Variants in ZNF559 observed in about 807,000 individuals in gnomAD.
ZNF559 encodes the protein zinc finger protein 559.
Under a neutral mutation model 14.2 loss-of-function variants are expected in ZNF559, and 17 were observed. The observed-to-expected ratio is 1.20, with a 90% CI of 0.82 to 1.80. The LOEUF (loss-of-function observed/expected upper bound fraction) is 1.80, where lower values mean the gene tolerates loss of function less well. Among genes scored for constraint, ZNF559 ranks in the 40% most tolerant of loss-of-function variants. ZNF559 has a pLI of 0.00. For synonymous variants in ZNF559, 244 were observed against 212.4 expected (o/e 1.15, Z -1.29); for missense variants, 740 against 629.7 (o/e 1.18, Z -1.88).
upstream of ZNF559, chr19:9,323,834 G>C: frequency 3.0e-6 from 1 of 330,920 alleles, no homozygotes; most frequent in Non-Finnish European, 5.6e-6. Context: ...TGGGACTCAT[G>C]AAGGTTCTGT....
chr19:9,341,961 T>G lies in ZNF559; in HGVS notation c.510T>G (p.Asn170Lys). The stretch of plus-strand genomic sequence containing the variant: ...TTGTTTGCAAGAAAACTAGCCAAAA[T>G]CTACATCTTGTTTGCAAGAAAACTC... ...LHLVCKKTSQNLHLVCKKTHT... is the reference protein window; with the variant it reads ...LHLVCKKTSQKLHLVCKKTHT... Residue 170 changes from asparagine (N) to lysine (K), a missense_variant, in exon 7 of 7, where the codon AAT becomes AAG. Transcript: ENST00000603380. The G allele has an allele frequency of 6.2e-7, 1 of 1,613,794 alleles. No homozygotes were observed. Among genetic ancestry groups the G allele is most frequent in the East Asian group, 2.2e-5 (1 of 44,850 alleles).
rs114011915 is a variant in ZNF559, at chr19:9,324,205, A to G, written c.-229A>G. 144 of 1,535,470 alleles carry G rather than the reference A, an allele frequency of 9.4e-5. No individual in the cohort carries two copies. The African/African-American group carries it at 1.8e-3, about 19-fold the overall frequency. The stretch of plus-strand genomic sequence containing the variant: ...TGCGCATAACGGCCGCCATCTTAAC[A>G]GCGCGTTCCCGTTGGCGTCTGAGGT... On this transcript the variant is annotated 5_prime_UTR_variant, in exon 1 of 7. Coordinates refer to ENST00000603380, the MANE Select transcript of ZNF559 (RefSeq NM_032497.3).
In ZNF559 at chr19:9,324,557, G is replaced by T. The variant is rs1255937201; in HGVS notation, c.-205-138G>T. The T allele has an allele frequency of 4.2e-6, 5 of 1,187,036 alleles. No individual in the cohort carries two copies. The East Asian group carries it at 1.3e-4, about 30-fold the overall frequency. 73.5% of individuals were successfully genotyped at this position (1,187,036 alleles called of 1,614,324 possible). A position where few individuals can be genotyped will look rare whatever the true frequency, so the allele number is the denominator to read the frequency against. ...CCTGTCATTCCCAGCGCTTTGGGCG[G>T]ATTGGGTAGGAGGATTACTTGAGGC... is the stretch of plus-strand genomic sequence containing the variant. On this transcript the variant is annotated intron_variant, in intron 1 of 6. Coordinates refer to ENST00000603380, the MANE Select transcript of ZNF559 (RefSeq NM_032497.3).
rs769931790 is a variant in ZNF559 at position 9,342,933 on chromosome 19, A to G, written c.1482A>G (p.Glu494=). The change falls in exon 7 of 7, where the codon GAA becomes GAG. Residue 494 remains glutamate (E), a synonymous_variant. Transcript: ENST00000603380. ...CTCACACTGGTGAACGGCCCTTTGAATGTCAGGAATGTGGGAAAGCCTTTA... is the reference window on the plus strand; with the variant it reads ...CTCACACTGGTGAACGGCCCTTTGAGTGTCAGGAATGTGGGAAAGCCTTTA... ...MRTHTGERPF[E]CQECGKAFTR... 6.2e-7 allele frequency: 1 copy of G among 1,614,070 alleles called. No individual in the cohort carries two copies. The highest frequency in any genetic ancestry group is 1.3e-5 in the African/African-American group (1 of 74,946).
intron 5 of ZNF559, among the ~76,000 whole-genome samples, chr19:9,339,673 A>G (rs1334947150): frequency 1.8e-5 from 2 of 113,350 alleles, no homozygotes; most frequent in Non-Finnish European, 4.0e-5. Flanking sequence ...ATTGTGTTGT[A>G]ATTTAAGTTA....
rs184089607 is a variant in ZNF559, at chr19:9,339,244, A to C, written c.85A>C (p.Thr29Pro). Residue 29 changes from threonine (T) to proline (P), a missense_variant, in exon 5 of 7, where the codon ACT becomes CCT. By Grantham distance (38) the Thr-to-Pro change is conservative (BLOSUM62 -1). Coordinates refer to ENST00000603380, the MANE Select transcript of ZNF559 (RefSeq NM_032497.3). The stretch of plus-strand genomic sequence containing the variant: ...TGTGGACTTCACCCAGGAGGAGTGG[A>C]CTTTGCTGGATCAAACTCAGAGAAA... ...VAVDFTQEEW[T>P]LLDQTQRNLY... 45 of 1,613,970 alleles carry C rather than the reference A, an allele frequency of 2.8e-5. No homozygotes were observed. The Admixed American group carries it at 7.3e-4, about 26-fold the overall frequency.
At chr19:9,335,155 T>TAAAAAAAAAAAA (rs1568362673) in intron 2 of ZNF559, among the ~76,000 whole-genome samples, 3 of 138,280 alleles carry the variant, frequency 2.2e-5, no homozygotes, top group African/African-American at 8.4e-5. Context: ...AAAAAAAAAT[T>TAAAAAAAAAAAA]AGCTGGTCAT....
chr19:9,335,155 T>TAAAAAAA (rs1568362673), intron 2 of ZNF559, among the ~76,000 whole-genome samples: 2 of 138,284 alleles, frequency 1.4e-5, no homozygotes, highest in African/African-American at 5.6e-5. Context: ...AAAAAAAAAT[T>TAAAAAAA]AGCTGGTCAT....
Position 9,345,275 on chromosome 19 carries a change from CA to C in ZNF559, c.*2208del, listed in dbSNP as rs1318955523. 1 of 152,186 alleles carries C rather than the reference CA, an allele frequency of 6.6e-6. No homozygotes were observed. The highest frequency in any genetic ancestry group is 1.5e-5 in the Non-Finnish European group (1 of 68,030). The allele number at this position is 152,186 out of a possible 1,614,324, so 9.4% of individuals were successfully genotyped here. On this transcript the variant is annotated 3_prime_UTR_variant, in exon 7 of 7. Coordinates refer to ENST00000603380, the MANE Select transcript of ZNF559 (RefSeq NM_032497.3). Reference sequence around the variant, plus strand: ...TAAAACTGCCTTGAATACCCATATGCAGATTATTCTTTAAACATGTGCTTCT... The same window carrying C: ...TAAAACTGCCTTGAATACCCATATGCGATTATTCTTTAAACATGTGCTTCT...
Position 9,339,177 on chromosome 19 carries a change from G to T in ZNF559, c.34-16G>T. 1 of 1,613,298 alleles carries T rather than the reference G, an allele frequency of 6.2e-7. No homozygotes were observed. Among genetic ancestry groups the T allele is most frequent in the South Asian group, 1.1e-5 (1 of 91,074 alleles). ...GAACGTACTTGCCTGACGCCAGCAT[G>T]TGTGTGATGGTTTAGGACTCAGTGA... On this transcript the variant is annotated splice_polypyrimidine_tract_variant and intron_variant, in intron 4 of 6. Transcript: ENST00000603380.
intron 2 of ZNF559, among the ~76,000 whole-genome samples, chr19:9,335,138 A>C (rs78055124): frequency 3.7e-5 from 1 of 26,898 alleles, no homozygotes; most frequent in African/African-American, 2.0e-4. Context: ...TCTGTCTCAA[A>C]AAAAAAAAAA....
At chr19:9,324,440 C>T in intron 1 of ZNF559, 1 of 1,437,888 alleles carries the variant, frequency 7.0e-7, no homozygotes, top group Non-Finnish European at 9.1e-7. Flanking sequence ...TGCGCTGGGG[C>T]CTCGGCCCGG....
chr19:9,338,116 G>A, intron 3 of ZNF559: 1 of 1,063,724 alleles, frequency 9.4e-7, no homozygotes, highest in South Asian at 1.3e-5. Context: ...CCCTGCTTTT[G>A]AGATACCTAG....
intron 2 of ZNF559, among the ~76,000 whole-genome samples, chr19:9,325,094 TAA>T (rs1319361143): frequency 6.6e-6 from 1 of 152,188 alleles, no homozygotes; most frequent in Non-Finnish European, 1.5e-5. Context: ...ATTGAATTGA[TAA>T]TGAATGCGAA....
In ZNF559 at chr19:9,339,337, CT is replaced by C. The variant is rs754786594; in HGVS notation, c.160+22del. 16 of 1,583,614 alleles carry C rather than the reference CT, an allele frequency of 1.0e-5. No homozygotes were observed. The highest frequency in any genetic ancestry group is 1.8e-5 in the Admixed American group (1 of 55,142). On this transcript the variant is annotated intron_variant, in intron 5 of 6. Coordinates refer to ENST00000603380, the MANE Select transcript of ZNF559 (RefSeq NM_032497.3). Reference sequence around the variant, plus strand: ...TGCAGTAGGTAAGGCTGGTACCATTCTTTTCATTTAGTTTTTTTCTGGAACA... The same window carrying C: ...TGCAGTAGGTAAGGCTGGTACCATTCTTTCATTTAGTTTTTTTCTGGAACA...
chr19:9,327,369 T>C (rs1375585923), intron 2 of ZNF559, among the ~76,000 whole-genome samples: 1 of 152,216 alleles, frequency 6.6e-6, no homozygotes, highest in Non-Finnish European at 1.5e-5. Flanking sequence ...TGTCTCAGCC[T>C]TCTGGGTAGC....
chr19:9,335,266 C>T (rs2067174024), intron 2 of ZNF559, among the ~76,000 whole-genome samples: 1 of 151,900 alleles, frequency 6.6e-6, no homozygotes, highest in South Asian at 2.1e-4. Flanking sequence ...GCGAGGAACC[C>T]CTTCTCCATT....
Position 9,345,586 on chromosome 19 carries a change from T to G in ZNF559, c.*2518T>G, listed in dbSNP as rs1417861233. The G allele has an allele frequency of 6.6e-6, 1 of 152,146 alleles. No individual in the cohort carries two copies. The highest frequency in any genetic ancestry group is 1.5e-5 in the Non-Finnish European group (1 of 68,020). The allele number at this position is 152,146 out of a possible 1,614,324, so 9.4% of individuals were successfully genotyped here. A position where few individuals can be genotyped will look rare whatever the true frequency, so the allele number is the denominator to read the frequency against. On this transcript the variant is annotated 3_prime_UTR_variant, in exon 7 of 7. Coordinates refer to ENST00000603380, the MANE Select transcript of ZNF559 (RefSeq NM_032497.3). ...GGTTTCACGTGCTTACTGGCCTTCT[T>G]TAAGCCTTTGGGGAAGAGTCTGTTC...
chr19:9,333,293 T>C (rs1041100040), intron 2 of ZNF559, among the ~76,000 whole-genome samples: 7 of 152,202 alleles, frequency 4.6e-5, no homozygotes, highest in South Asian at 4.1e-4. Context: ...TGTAGAGTTA[T>C]GCATCCAGGA....
Sources: gnomAD v4.1 joint callset for allele counts (sites outside exome capture counted in the v4.1 genomes callset) on GRCh38, gnomAD v4.1.1 for gene constraint, MANE v1.5 for transcripts, NCBI Gene and HGNC (gene_info 2026-07-23, HGNC 2026-07-21) for gene names.